The following NKAIN2 variants were observed in gnomAD, a reference collection of about 807,000 sequenced individuals.
NKAIN2 encodes the protein sodium/potassium transporting ATPase interacting 2.
Under a neutral mutation model 32.6 loss-of-function variants are expected in NKAIN2, and 14 were observed. The ratio of observed to expected loss-of-function variants is 0.43; its 90% CI spans 0.28 to 0.67. The LOEUF (loss-of-function observed/expected upper bound fraction) is 0.67. Ranked by LOEUF, NKAIN2 falls within the 30% of genes least tolerant of loss-of-function variation. NKAIN2 has a pLI of 0.17. For missense variants in NKAIN2, 198 were observed against 258.3 expected (o/e 0.77, Z 1.60); for synonymous variants, 80 against 87.2 (o/e 0.92, Z 0.46).
intron 2 of NKAIN2, among the ~76,000 whole-genome samples, chr6:124,316,518 T>C (rs9491113): frequency 0.13 from 19,585 of 152,126 alleles, 1,513 homozygotes; most frequent in East Asian, 0.24. Context: ...ATACACTGAG[T>C]GTCCAAGAGT....
chr6:124,467,231 A>C (rs905247989), intron 3 of NKAIN2, among the ~76,000 whole-genome samples: 1 of 152,260 alleles, frequency 6.6e-6, no homozygotes, highest in African/African-American at 2.4e-5. Flanking sequence ...TAAGCAACCT[A>C]TGTAAGAACA....
chr6:123,804,267 T>C lies in NKAIN2; in HGVS notation c.54+13T>C. On this transcript the variant is annotated intron_variant, in intron 1 of 6. Coordinates refer to ENST00000368417, the MANE Select transcript of NKAIN2 (RefSeq NM_001040214.3). Reference sequence around the variant, plus strand: ...TGGCATGCAACTGGTAAGTGACACTTGGGTCCCCTTATTCTGTAATGTGTC... The same window carrying C: ...TGGCATGCAACTGGTAAGTGACACTCGGGTCCCCTTATTCTGTAATGTGTC... 6.2e-7 allele frequency: 1 copy of C among 1,609,140 alleles called. No homozygotes were observed. Among genetic ancestry groups the C allele is most frequent in the East Asian group, 2.2e-5 (1 of 44,824 alleles).
chr6:124,388,670 G>A (rs1484999432), intron 3 of NKAIN2, among the ~76,000 whole-genome samples: 8 of 151,902 alleles, frequency 5.3e-5, no homozygotes, highest in Non-Finnish European at 8.8e-5. Context: ...TAATACTCAC[G>A]GTGATTTAAT....
chr6:124,276,876 A>G lies in NKAIN2; in HGVS notation c.55-6129A>G, dbSNP rs114936679. ...TACAGTTTACTTAGGACTACAAACG[A>G]ATTAAGCAATAGGAATGGAGATGAG... On this transcript the variant is annotated intron_variant, in intron 1 of 6. Transcript: ENST00000368417. 9.2e-3 allele frequency among the ~76,000 whole-genome samples: 1,405 copies of G among 152,302 alleles called. 24 individuals are homozygous for G. Among genetic ancestry groups the G allele is most frequent in the African/African-American group, 0.032 (1,334 of 41,558 alleles).
At chr6:124,169,396 G>A (rs1788734892) in intron 1 of NKAIN2, among the ~76,000 whole-genome samples, 1 of 152,076 alleles carries the variant, frequency 6.6e-6, no homozygotes, top group African/African-American at 2.4e-5. Flanking sequence ...TGCTCATTAA[G>A]TATTAAAAAT....
Position 124,406,896 on chromosome 6 carries a change from C to A in NKAIN2, c.273+51549C>A, listed in dbSNP as rs9491159. Among the ~76,000 whole-genome samples, 496 of 152,120 alleles carry A rather than the reference C, an allele frequency of 3.3e-3. 5 individuals are homozygous for A. The highest frequency in any genetic ancestry group is 0.011 in the African/African-American group (476 of 41,532). ...TATATATCTTCTTTCATGAAGCTTG[C>A]ATTCAAATGCTTTGCCCAATTTTTC... is the stretch of plus-strand genomic sequence containing the variant. On this transcript the variant is annotated intron_variant, in intron 3 of 6. Transcript: ENST00000368417.
intron 3 of NKAIN2, among the ~76,000 whole-genome samples, chr6:124,626,799 A>C (rs1046489574): frequency 1.2e-4 from 19 of 152,164 alleles, no homozygotes; most frequent in African/African-American, 4.6e-4. Context: ...TGGGGGCTTA[A>C]AAACAGACCT....
chr6:124,073,805 C>T (rs1299781859), intron 1 of NKAIN2, among the ~76,000 whole-genome samples: 1 of 152,054 alleles, frequency 6.6e-6, no homozygotes, highest in African/African-American at 2.4e-5. Flanking sequence ...CTCCCTGCTC[C>T]CCCACCCCCA....
chr6:124,019,828 G>A (rs1047755031), intron 1 of NKAIN2, among the ~76,000 whole-genome samples: 1 of 151,576 alleles, frequency 6.6e-6, no homozygotes, highest in African/African-American at 2.4e-5. Context: ...GCCCTCACTG[G>A]GGATAACCAC....
chr6:124,617,151 A>G (rs1284113931), intron 3 of NKAIN2, among the ~76,000 whole-genome samples: 3 of 152,338 alleles, frequency 2.0e-5, no homozygotes, highest in East Asian at 3.9e-4. Context: ...GAATCATTGT[A>G]AGAATTGATA....
intron 3 of NKAIN2, among the ~76,000 whole-genome samples, chr6:124,359,205 G>C (rs999278743): frequency 6.6e-6 from 1 of 152,080 alleles, no homozygotes; most frequent in Non-Finnish European, 1.5e-5. Context: ...GTCAGGTAGC[G>C]TGATGCCTCC....
chr6:124,612,306 A>G (rs1562283778), intron 3 of NKAIN2, among the ~76,000 whole-genome samples: 2 of 152,170 alleles, frequency 1.3e-5, no homozygotes, highest in Non-Finnish European at 2.9e-5. Flanking sequence ...TTGCATTAAT[A>G]AAAACATAAA....
chr6:123,839,835 C>T (rs2114932384), intron 1 of NKAIN2, among the ~76,000 whole-genome samples: 1 of 152,172 alleles, frequency 6.6e-6, no homozygotes, highest in Admixed American at 6.5e-5. Context: ...AAATGTCGCT[C>T]TTCAAAATCA....
At chr6:124,081,312 G>A (rs531569578) in intron 1 of NKAIN2, among the ~76,000 whole-genome samples, 3 of 152,124 alleles carry the variant, frequency 2.0e-5, no homozygotes, top group African/African-American at 7.2e-5. Flanking sequence ...TTAGTAATGA[G>A]ACCAATTTTA....
chr6:124,365,686 A>G (rs1447242180), intron 3 of NKAIN2, among the ~76,000 whole-genome samples: 3 of 151,940 alleles, frequency 2.0e-5, no homozygotes, highest in African/African-American at 7.2e-5. Flanking sequence ...ACTTGATATA[A>G]TTGACATATA....
At chr6:124,524,489 TTTTTA>T (rs1164693845) in intron 3 of NKAIN2, among the ~76,000 whole-genome samples, 1 of 152,210 alleles carries the variant, frequency 6.6e-6, no homozygotes, top group Non-Finnish European at 1.5e-5. Context: ...GTTCATAGTC[TTTTTA>T]TTTAATTTTT....
chr6:124,815,877 A>C (rs1029489062), intron 5 of NKAIN2, among the ~76,000 whole-genome samples: 16 of 152,042 alleles, frequency 1.1e-4, no homozygotes, highest in Admixed American at 4.6e-4. Flanking sequence ...CTCATCCAGG[A>C]CTCTACACTC....
intron 1 of NKAIN2, among the ~76,000 whole-genome samples, chr6:124,113,999 C>A (rs1430526714): frequency 6.6e-6 from 1 of 152,104 alleles, no homozygotes; most frequent in Non-Finnish European, 1.5e-5. Context: ...GTTTTTATGT[C>A]TCTTGGGTAA....
intron 3 of NKAIN2, among the ~76,000 whole-genome samples, chr6:124,381,864 A>C (rs1489474100): frequency 6.6e-6 from 1 of 151,938 alleles, no homozygotes; most frequent in Non-Finnish European, 1.5e-5. Context: ...GCATTATTTG[A>C]TTCTAAGCTT....
Sources: gnomAD v4.1 joint callset for allele counts (sites outside exome capture counted in the v4.1 genomes callset) on GRCh38, gnomAD v4.1.1 for gene constraint, MANE v1.5 for transcripts, NCBI Gene and HGNC (gene_info 2026-07-23, HGNC 2026-07-21) for gene names.